The following STARD8 variants were observed in gnomAD, a reference collection of about 807,000 sequenced individuals.
STARD8 encodes the protein StAR related lipid transfer domain containing 8.
In STARD8, 25 loss-of-function variants were observed where a neutral mutation model predicts 69.4. That is an observed-to-expected ratio of 0.36 (90% CI 0.26 to 0.50). The LOEUF (loss-of-function observed/expected upper bound fraction) is 0.50. Among genes scored for constraint, STARD8 ranks in the 20% least tolerant of loss-of-function variants. The pLI, the probability that STARD8 is intolerant of heterozygous loss-of-function variation, is 0.96. For missense variants in STARD8, 921 were observed against 932.5 expected (o/e 0.99, Z 0.16); for synonymous variants, 389 against 374.6 (o/e 1.04, Z -0.45).
At chrX:68,687,065 C>T (rs1270003787) in intron 2 of STARD8, among the ~76,000 whole-genome samples, 1 of 110,790 alleles carries the variant, frequency 9.0e-6, no homozygotes, top group Non-Finnish European at 1.9e-5. Context: ...TTGAGTTGTC[C>T]GTCTGTCCTT....
At chrX:68,648,821 C>T (rs954848479) in intron 1 of STARD8, among the ~76,000 whole-genome samples, 8 of 112,033 alleles carry the variant, frequency 7.1e-5, no homozygotes, top group Non-Finnish European at 1.5e-4. Context: ...TCTCAAGAAC[C>T]AAGAAACTAA....
At chrX:68,660,368 G>C (rs930118512) in intron 1 of STARD8, among the ~76,000 whole-genome samples, 1 of 111,832 alleles carries the variant, frequency 8.9e-6, no homozygotes, top group Admixed American at 9.4e-5. Context: ...GTGTCAGTCA[G>C]TCCTTCTTGA....
At chrX:68,704,659 A>G (rs1171391925) in intron 2 of STARD8, among the ~76,000 whole-genome samples, 2 of 111,772 alleles carry the variant, frequency 1.8e-5, no homozygotes, top group African/African-American at 6.5e-5. Context: ...CAGTGGGCGT[A>G]TTGGGAGGCA....
chrX:68,721,153 T>C, intron 9 of STARD8, 31 bp downstream of exon 9: 1 of 1,192,318 alleles, frequency 8.4e-7, no homozygotes, highest in African/African-American at 1.7e-5. Context: ...CCCAACAACC[T>C]GTCCCATTCT....
intron 2 of STARD8, among the ~76,000 whole-genome samples, chrX:68,695,856 G>A (rs2079915844): frequency 8.9e-6 from 1 of 111,822 alleles, no homozygotes; most frequent in South Asian, 3.8e-4. Context: ...TTAGAGGATA[G>A]CAACAGGGAC....
At chrX:68,653,396 AC>A (rs2079585506) in intron 1 of STARD8, among the ~76,000 whole-genome samples, 1 of 48,545 alleles carries the variant, frequency 2.1e-5, no homozygotes. Context: ...CACACACCCC[AC>A]ACACACCACA....
rs1006104058 is a variant in STARD8, at chrX:68,669,336, C to T, written c.79+3804C>T. On this transcript the variant is annotated intron_variant, in intron 2 of 14. Coordinates refer to ENST00000374599, the MANE Select transcript of STARD8 (RefSeq NM_001142503.3). ...TGTCCTTGGGCCTCTCGCTTTCCCT[C>T]TCTGGGCCTTAGTGTCTCTAACTAT... is the stretch of plus-strand genomic sequence containing the variant. 8.0e-5 allele frequency among the ~76,000 whole-genome samples: 9 copies of T among 111,922 alleles called. No homozygotes were observed. In the South Asian group the frequency reaches 3.4e-3, roughly 42 times the overall value.
At chrX:68,661,935 C>T (rs56275247) in intron 1 of STARD8, among the ~76,000 whole-genome samples, 65 of 79,795 alleles carry the variant, frequency 8.1e-4, no homozygotes, top group African/African-American at 4.0e-3. Context: ...CCTTCCCTCC[C>T]TCCCTCCTTC....
chrX:68,670,183 A>G (rs1205384558), intron 2 of STARD8, among the ~76,000 whole-genome samples: 3 of 112,256 alleles, frequency 2.7e-5, no homozygotes, highest in Non-Finnish European at 5.6e-5. Context: ...GTGACTTGAG[A>G]GACCTAGGAT....
intron 1 of STARD8, among the ~76,000 whole-genome samples, chrX:68,653,319 C>A (rs1476821563): frequency 1.5e-4 from 4 of 26,900 alleles, no homozygotes; most frequent in Non-Finnish European, 1.4e-4. Flanking sequence ...CACCACACAC[C>A]ACACACACAC....
chrX:68,691,068 G>A (rs995115250), intron 2 of STARD8, among the ~76,000 whole-genome samples: 1 of 111,390 alleles, frequency 9.0e-6, no homozygotes, highest in Admixed American at 9.5e-5. Flanking sequence ...CGTGGTCTGT[G>A]GGCATGGTAG....
At chrX:68,653,453 A>C (rs901049089) in intron 1 of STARD8, among the ~76,000 whole-genome samples, 7 of 18,566 alleles carry the variant, frequency 3.8e-4, no homozygotes, top group Admixed American at 6.9e-4. Flanking sequence ...ACCTCACACC[A>C]CACACACACA....
intron 1 of STARD8, among the ~76,000 whole-genome samples, chrX:68,652,871 AC>A (rs1176428933): frequency 2.3e-3 from 4 of 1,764 alleles, no homozygotes; most frequent in African/African-American, 7.4e-3. Flanking sequence ...ACACACACAC[AC>A]CCACACCCCA....
chrX:68,647,680 A>C lies in STARD8; in HGVS notation c.-203A>C. The C allele has an allele frequency of 2.3e-6, 1 of 441,968 alleles. No individual in the cohort carries two copies. Among genetic ancestry groups the C allele is most frequent in the Non-Finnish European group, 3.8e-6 (1 of 264,285 alleles). 36.4% of individuals were successfully genotyped at this position (441,968 alleles called of 1,213,427 possible). ...TTCCCTCCCTCGGTGGCCTTCCAGG[A>C]GGCGGGAGGCGCCCGCTGTCGAGGC... is the stretch of plus-strand genomic sequence containing the variant. On this transcript the variant is annotated 5_prime_UTR_variant, in exon 1 of 15. Transcript: ENST00000374599.
At chrX:68,700,092 T>C (rs2079954839) in intron 2 of STARD8, among the ~76,000 whole-genome samples, 1 of 110,953 alleles carries the variant, frequency 9.0e-6, no homozygotes, top group Non-Finnish European at 1.9e-5. Flanking sequence ...TTTTAGGGAG[T>C]ACTGAAGCCG....
intron 2 of STARD8, among the ~76,000 whole-genome samples, chrX:68,684,206 CT>C (rs2079817164): frequency 8.9e-6 from 1 of 112,652 alleles, no homozygotes; most frequent in Non-Finnish European, 1.9e-5. Flanking sequence ...AAGGTGCCCC[CT>C]CTCCTCCTCT....
Position 68,647,719 on chromosome X carries a change from C to G in STARD8, c.-164C>G. On this transcript the variant is annotated 5_prime_UTR_variant, in exon 1 of 15. Transcript: ENST00000374599. ...CGCTGTCGAGGCAGCTGAGCCCCGG[C>G]AACCGCTGCTCTCCGCCTCTCCCCT... 1.6e-6 allele frequency: 1 copy of G among 628,621 alleles called. No individual in the cohort carries two copies. Among genetic ancestry groups the G allele is most frequent in the Non-Finnish European group, 2.3e-6 (1 of 430,421 alleles). 51.8% of individuals were successfully genotyped at this position (628,621 alleles called of 1,213,427 possible). A position where few individuals can be genotyped will look rare whatever the true frequency, so the allele number is the denominator to read the frequency against.
At chrX:68,693,089 G>GC (rs1270884699) in intron 2 of STARD8, among the ~76,000 whole-genome samples, 1 of 112,708 alleles carries the variant, frequency 8.9e-6, no homozygotes, top group African/African-American at 3.2e-5. Flanking sequence ...TAATGTTCGT[G>GC]CCCCAAATTT....
intron 2 of STARD8, among the ~76,000 whole-genome samples, chrX:68,712,023 G>A (rs909446554): frequency 1.2e-4 from 13 of 112,727 alleles, no homozygotes; most frequent in Admixed American, 1.0e-3. Flanking sequence ...GGCCTACCCT[G>A]ACTAGGAGCG....
Sources: allele counts gnomAD v4.1 joint callset (sites outside exome capture counted in the v4.1 genomes callset), GRCh38; gene constraint gnomAD v4.1.1; transcripts MANE v1.5; gene names NCBI Gene and HGNC (gene_info 2026-07-23, HGNC 2026-07-21).